Variants in MAGED1 observed in about 807,000 individuals in gnomAD.
The protein encoded by MAGED1 is MAGE family member D1, also known as melanoma-associated antigen D1.
Under a neutral mutation model 54.1 loss-of-function variants are expected in MAGED1, and 3 were observed. The observed-to-expected ratio is 0.06, with a 90% CI of 0.03 to 0.14. MAGED1 has a LOEUF of 0.14. Ranked by LOEUF, MAGED1 falls within the 10% of genes least tolerant of loss-of-function variation. The pLI is 1.00. For synonymous variants in MAGED1, 217 were observed against 227.3 expected (o/e 0.95, Z 0.41); for missense variants, 485 against 623.4 (o/e 0.78, Z 2.36).
rs1557364387 is a variant in MAGED1, at chrX:51,897,004, C to T, written c.1349C>T (p.Pro450Leu). The T allele has an allele frequency of 3.3e-6, 4 of 1,211,683 alleles. No homozygotes were observed. The highest frequency in any genetic ancestry group is 3.0e-5 in the East Asian group (1 of 33,826). The change falls in exon 4 of 13, where the codon CCT (proline) becomes CTT (leucine). Residue 450 changes from proline (P) to leucine (L), a missense_variant. Physicochemically the swap from Pro to Leu is moderately conservative, Grantham distance 98 (BLOSUM62 -3). Coordinates refer to ENST00000326587, the MANE Select transcript of MAGED1 (RefSeq NM_006986.4). ...CTGCGCCCCTCGCCTAACCTGCGCC[C>T]TTCTCCCAACTCGCGTGCCTCACAG... ...QNLRPSPNLRPSPNSRASQNP... is the reference protein window; with the variant it reads ...QNLRPSPNLRLSPNSRASQNP...
At position 51,844,561 on chromosome X, in the gene MAGED1, C is replaced by T. The variant is rs188835066; in HGVS notation, c.-37+41444C>T. On this transcript the variant is annotated intron_variant, in intron 1 of 12. Coordinates refer to the MAGED1 transcript ENST00000375772. ...GCTTACTATGGAGAGAAAGCCAAAG[C>T]AGGCAGTGTGGCATCTTCTCTTCTC... is the stretch of plus-strand genomic sequence containing the variant. Among the ~76,000 whole-genome samples, 9 of 112,061 alleles carry T rather than the reference C, an allele frequency of 8.0e-5. No individual in the cohort carries two copies. In the East Asian group the frequency reaches 2.6e-3, roughly 32 times the overall value.
In MAGED1 at chrX:51,895,441, C is replaced by A; in HGVS notation, c.434C>A (p.Ala145Asp). ...GELAANKSEMAFKAQNATTKV... is the reference protein window; with the variant it reads ...GELAANKSEMDFKAQNATTKV... ...TTAGCTGCTAACAAGTCTGAGATGG[C>A]CTTCAAGGCCCAGAATGCCACTACT... The change falls in exon 3 of 13, where the codon GCC becomes GAC. Residue 145 changes from alanine to aspartate, a missense_variant. Physicochemically the swap from Ala to Asp is moderately radical, Grantham distance 126. Around this residue, in one of 2 missense-constraint regions of MAGED1, gnomAD observed 299 missense variants for 293.1 expected, o/e 1.02. Transcript: ENST00000326587. 1.7e-6 allele frequency: 2 copies of A among 1,207,169 alleles called. No homozygotes were observed. The highest frequency in any genetic ancestry group is 2.2e-6 in the Non-Finnish European group (2 of 893,003).
chrX:51,821,107 A>G lies in MAGED1; in HGVS notation c.-37+17990A>G, dbSNP rs531246709. ...TTTTTCATTGCAAGGTAGAACTACA[A>G]TTGATTTTTGTTTATGATCTTGTAA... On this transcript the variant is annotated intron_variant, in intron 1 of 12. Transcript: ENST00000375772. Among the ~76,000 whole-genome samples the G allele has an allele frequency of 2.7e-4, 30 of 112,015 alleles. No homozygotes were observed. In the Middle Eastern group the frequency reaches 0.014, roughly 52 times the overall value.
intron 1 of MAGED1, among the ~76,000 whole-genome samples, chrX:51,828,277 T>G (rs1925929529): frequency 8.9e-6 from 1 of 112,152 alleles, no homozygotes; most frequent in African/African-American, 3.2e-5. Flanking sequence ...TCCCTTGCTT[T>G]CTTTTTGACA....
intron 1 of MAGED1, among the ~76,000 whole-genome samples, chrX:51,840,434 A>T (rs199824783): frequency 5.9e-4 from 64 of 109,280 alleles, no homozygotes; most frequent in South Asian, 3.6e-3. Flanking sequence ...TTTTTTTTTT[A>T]AATTTTATTA....
intron 1 of MAGED1, among the ~76,000 whole-genome samples, chrX:51,839,567 C>A (rs1444887891): frequency 3.6e-5 from 4 of 111,630 alleles, no homozygotes; most frequent in Non-Finnish European, 7.5e-5. Context: ...TCCTCCATTT[C>A]TGCCAGAAAA....
intron 1 of MAGED1, among the ~76,000 whole-genome samples, chrX:51,820,729 C>T (rs895775719): frequency 1.8e-5 from 2 of 111,869 alleles, no homozygotes; most frequent in Admixed American, 1.9e-4. Flanking sequence ...CATATTATCA[C>T]CTCAAACATT....
In MAGED1 at chrX:51,896,681, G is replaced by A; in HGVS notation, c.1026G>A (p.Val342=). 1.7e-6 allele frequency: 2 copies of A among 1,211,763 alleles called. No individual in the cohort carries two copies. Among genetic ancestry groups the A allele is most frequent in the Non-Finnish European group, 1.1e-6 (1 of 895,488 alleles). ...ACCCAGTCGCTTGGCAGAACCCAGTGATTTGGCCAAACCCAGTAATCTGGC... is the reference window on the plus strand; with the variant it reads ...ACCCAGTCGCTTGGCAGAACCCAGTAATTTGGCCAAACCCAGTAATCTGGC... The part of the protein sequence containing the change: ...WQNPVAWQNP[V]IWPNPVIWQN... Residue 342 remains valine, a synonymous_variant, in exon 4 of 13, where the codon GTG becomes GTA. Transcript: ENST00000326587.
Position 51,894,340 on chromosome X carries a change from C to T in MAGED1, c.36C>T (p.Leu12=), listed in dbSNP as rs1557363872. The change falls in exon 2 of 13, where the codon CTC becomes CTT. Residue 12 remains leucine, a synonymous_variant. Coordinates refer to ENST00000326587, the MANE Select transcript of MAGED1 (RefSeq NM_006986.4). The stretch of plus-strand genomic sequence containing the variant: ...AAATGGACTGTGGTGCGGGCCTCCT[C>T]GGCTTCCAGGTGAGATCTCCACTCC... ...AQKMDCGAGL[L]GFQAEASVED... is the part of the protein sequence containing the mutation. 2 of 1,199,343 alleles carry T rather than the reference C, an allele frequency of 1.7e-6. No individual in the cohort carries two copies. The highest frequency in any genetic ancestry group is 3.6e-5 in the African/African-American group (2 of 56,131).
At chrX:51,808,135 A>G (rs1557355275) in intron 1 of MAGED1, among the ~76,000 whole-genome samples, 1 of 112,160 alleles carries the variant, frequency 8.9e-6, no homozygotes, top group Non-Finnish European at 1.9e-5. Flanking sequence ...TTTCAAATTT[A>G]TTTTCCTCAA....
chrX:51,870,717 A>C (rs1557361464), intron 1 of MAGED1: 1 of 111,978 alleles, frequency 8.9e-6, no homozygotes, highest in East Asian at 2.8e-4. Context: ...TTTCTTTCTT[A>C]TGCTTCATGA....
chrX:51,840,583 C>G lies in MAGED1; in HGVS notation c.-37+37466C>G, dbSNP rs1294413167. On this transcript the variant is annotated intron_variant, in intron 1 of 12. Coordinates refer to the MAGED1 transcript ENST00000375772. ...ATATCTCCTAATGCTATCCCTCCCCCCTTCCCCCACCCCACAACGGTCCCC... is the reference window on the plus strand; with the variant it reads ...ATATCTCCTAATGCTATCCCTCCCCGCTTCCCCCACCCCACAACGGTCCCC... 4.8e-4 allele frequency among the ~76,000 whole-genome samples: 53 copies of G among 109,392 alleles called. 1 individual carries two copies. Among genetic ancestry groups the G allele is most frequent in the Non-Finnish European group, 6.7e-4 (35 of 52,541 alleles). 95.0% of individuals were successfully genotyped at this position (109,392 alleles called of 115,157 possible).
chrX:51,850,350 A>G (rs1557359678), intron 1 of MAGED1, among the ~76,000 whole-genome samples: 1 of 112,367 alleles, frequency 8.9e-6, no homozygotes, highest in Non-Finnish European at 1.9e-5. Context: ...AACTTAACAA[A>G]AGGGCCTACA....
intron 1 of MAGED1, among the ~76,000 whole-genome samples, chrX:51,872,974 C>T (rs1339525313): frequency 1.8e-5 from 2 of 111,167 alleles, no homozygotes; most frequent in African/African-American, 6.6e-5. Flanking sequence ...TCTGGGGTGG[C>T]CCTGCTCTGT....
intron 1 of MAGED1, among the ~76,000 whole-genome samples, chrX:51,860,264 C>G (rs1246515081): frequency 9.1e-6 from 1 of 109,524 alleles, no homozygotes; most frequent in African/African-American, 3.3e-5. Flanking sequence ...GACTCCGTCT[C>G]AAAAAGAAAA....
At chrX:51,882,698 A>AT (rs782780381) in intron 1 of MAGED1, among the ~76,000 whole-genome samples, 10 of 106,197 alleles carry the variant, frequency 9.4e-5, no homozygotes, top group Non-Finnish European at 1.2e-4. Flanking sequence ...TTTTACTTTT[A>AT]TTTTTTTTTG....
intron 1 of MAGED1, among the ~76,000 whole-genome samples, chrX:51,823,809 A>G (rs1557356746): frequency 9.2e-6 from 1 of 108,481 alleles, no homozygotes; most frequent in Non-Finnish European, 1.9e-5. Context: ...TTTTTAGTTC[A>G]TTCTTTGGAG....
At chrX:51,876,760 TTTTTCTTTTC>T (rs201706791) in intron 1 of MAGED1, among the ~76,000 whole-genome samples, 72 of 110,858 alleles carry the variant, frequency 6.5e-4, no homozygotes, top group Non-Finnish European at 9.3e-4. Context: ...ACTGGGTACC[TTTTTCTTTTC>T]TTTTCTTTTC....
intron 1 of MAGED1, among the ~76,000 whole-genome samples, chrX:51,816,240 G>A (rs1260655758): frequency 9.1e-6 from 1 of 109,325 alleles, no homozygotes; most frequent in Non-Finnish European, 1.9e-5. Flanking sequence ...TCGCCCTCCC[G>A]AGTAGCTGGG....
Sources: allele counts gnomAD v4.1 joint callset (sites outside exome capture counted in the v4.1 genomes callset), GRCh38; gene constraint gnomAD v4.1.1; regional missense constraint gnomAD v4.1.1; transcripts MANE v1.5; gene names NCBI Gene and HGNC (gene_info 2026-07-23, HGNC 2026-07-21).